The following KLF12 variants were observed in gnomAD, a reference collection of about 807,000 sequenced individuals.
KLF12 encodes Krueppel-like factor 12.
KLF12 carries 9 observed loss-of-function variants against 37.8 expected under a neutral mutation model. That is an observed-to-expected ratio of 0.24 (90% CI 0.14 to 0.42). The LOEUF is 0.42. Ranked by LOEUF, KLF12 falls within the 10% of genes least tolerant of loss-of-function variation. The pLI, the probability that KLF12 is intolerant of heterozygous loss-of-function variation, is 1.00. For synonymous variants in KLF12, 208 were observed against 202.1 expected (o/e 1.03, Z -0.25); for missense variants, 411 against 516.0 (o/e 0.80, Z 1.97).
the KLF12 span, among the ~76,000 whole-genome samples, chr13:74,220,875 C>A: frequency 6.6e-6 from 1 of 152,132 alleles, no homozygotes; most frequent in African/African-American, 2.4e-5. Flanking sequence ...AATAGCATTC[C>A]ATTGTGTATA....
the KLF12 span, among the ~76,000 whole-genome samples, chr13:74,287,349 T>TGAGAGAGAGAGAGAGAGA: frequency 0.018 from 1,291 of 71,830 alleles, 133 homozygotes; most frequent in African/African-American, 0.032. Context: ...CTATCAAAGT[T>TGAGAGAGAGAGAGAGAGA]GAGAGAGAGA....
chr13:74,235,914 T>A, the KLF12 span, among the ~76,000 whole-genome samples: 4 of 142,712 alleles, frequency 2.8e-5, no homozygotes, highest in African/African-American at 9.8e-5. Flanking sequence ...ATTTTTTAAT[T>A]TTTTTATTTT....
At chr13:73,753,196 C>T (rs1207666645) in intron 6 of KLF12, among the ~76,000 whole-genome samples, 2 of 152,122 alleles carry the variant, frequency 1.3e-5, no homozygotes, top group Non-Finnish European at 2.9e-5. Flanking sequence ...CTGCTCCCAC[C>T]GACCTCTCTG....
chr13:73,724,713 T>C (rs1470257399), intron 6 of KLF12, among the ~76,000 whole-genome samples: 2 of 152,230 alleles, frequency 1.3e-5, no homozygotes, highest in Admixed American at 1.3e-4. Flanking sequence ...CAAATTCATA[T>C]CTTAAAGACA....
chr13:73,981,658 T>C (rs552048518), intron 2 of KLF12, among the ~76,000 whole-genome samples: 1 of 152,358 alleles, frequency 6.6e-6, no homozygotes, highest in African/African-American at 2.4e-5. Context: ...AGACTGCTAC[T>C]GTCTGAATGT....
At chr13:73,729,929 T>C (rs114558539) in intron 6 of KLF12, among the ~76,000 whole-genome samples, 249 of 152,260 alleles carry the variant, frequency 1.6e-3, no homozygotes, top group African/African-American at 5.4e-3. Flanking sequence ...CTCAAATTTT[T>C]GCTCAAATCT....
the KLF12 span, among the ~76,000 whole-genome samples, chr13:74,241,506 A>G: frequency 9.8e-5 from 15 of 152,294 alleles, no homozygotes; most frequent in South Asian, 2.1e-4. Flanking sequence ...TGTTTACCTA[A>G]TCAAACCTGG....
chr13:74,120,408 A>C (rs890097998), intron 1 of KLF12, among the ~76,000 whole-genome samples: 5 of 152,230 alleles, frequency 3.3e-5, no homozygotes, highest in African/African-American at 1.2e-4. Context: ...TGAACTCAGG[A>C]GACAGAGGTT....
the KLF12 span, chr13:74,231,373 T>C: frequency 2.6e-5 from 4 of 152,242 alleles, no homozygotes; most frequent in Non-Finnish European, 4.4e-5. Flanking sequence ...ATGTCTTCTT[T>C]TGTTCTTACT....
chr13:73,841,814 G>C (rs1190661047), intron 4 of KLF12, among the ~76,000 whole-genome samples: 1 of 152,074 alleles, frequency 6.6e-6, no homozygotes, highest in African/African-American at 2.4e-5. Context: ...ACTGTGGGGG[G>C]GCTAACTGCT....
intron 1 of KLF12, among the ~76,000 whole-genome samples, chr13:74,021,629 T>C (rs1278340582): frequency 2.6e-5 from 4 of 152,168 alleles, no homozygotes; most frequent in East Asian, 1.9e-4. Context: ...AAATCCATCA[T>C]AGTCTGTGTA....
chr13:74,298,851 T>A, the KLF12 span, among the ~76,000 whole-genome samples: 14 of 152,296 alleles, frequency 9.2e-5, no homozygotes, highest in Middle Eastern at 6.8e-3. Context: ...GAAGCACACA[T>A]TTTACATGAC....
At chr13:74,093,734 T>C (rs1272400488) in intron 1 of KLF12, among the ~76,000 whole-genome samples, 2 of 151,130 alleles carry the variant, frequency 1.3e-5, no homozygotes, top group African/African-American at 4.8e-5. Context: ...TATATAAATA[T>C]ATATAGTGAG....
At chr13:74,257,471 A>G in the KLF12 span, 1 of 152,216 alleles carries the variant, frequency 6.6e-6, no homozygotes, top group African/African-American at 2.4e-5. Context: ...GCTGACCGCA[A>G]GAGCTTGATG....
At chr13:74,147,413 C>A in the KLF12 span, among the ~76,000 whole-genome samples, 1 of 152,196 alleles carries the variant, frequency 6.6e-6, no homozygotes, top group South Asian at 2.1e-4. Flanking sequence ...CTTTCTTCAA[C>A]CCTCCAAAGA....
At chr13:73,744,212 C>T (rs910235410) in intron 6 of KLF12, among the ~76,000 whole-genome samples, 1 of 152,152 alleles carries the variant, frequency 6.6e-6, no homozygotes, top group Non-Finnish European at 1.5e-5. Context: ...TTAGGAGATT[C>T]ACTGCTAAAT....
the KLF12 span, among the ~76,000 whole-genome samples, chr13:74,235,986 G>A: frequency 1.4e-5 from 2 of 147,596 alleles, no homozygotes; most frequent in Non-Finnish European, 3.0e-5. Context: ...GGGTACATGT[G>A]CACAATGTGC....
intron 2 of KLF12, among the ~76,000 whole-genome samples, chr13:73,953,900 C>G (rs535874230): frequency 6.6e-6 from 1 of 150,846 alleles, no homozygotes; most frequent in South Asian, 2.1e-4. Context: ...TTAATTTTTT[C>G]TTTGGCAGCC....
chr13:73,822,904 G>A lies in KLF12; in HGVS notation c.671-9617C>T, dbSNP rs563542877. 5.8e-4 allele frequency among the ~76,000 whole-genome samples: 89 copies of A among 152,240 alleles called. 1 individual carries two copies. Among genetic ancestry groups the A allele is most frequent in the Middle Eastern group, 6.8e-3 (2 of 294 alleles). The stretch of plus-strand genomic sequence containing the variant: ...CTATTCCCCATAACCTTTGCCTTTT[G>A]TTCATTCATTATAACTGCTCCAAAC... On this transcript the variant is annotated intron_variant, in intron 4 of 7. Transcript: ENST00000377669.
Sources: gnomAD v4.1 joint callset for allele counts (sites outside exome capture counted in the v4.1 genomes callset) on GRCh38, gnomAD v4.1.1 for gene constraint, MANE v1.5 for transcripts, NCBI Gene and HGNC (gene_info 2026-07-23, HGNC 2026-07-21) for gene names.